MGAM2: variants seen among roughly 807,000 people sequenced by gnomAD.
MGAM2 encodes the protein maltase-glucoamylase 2 (putative).
Under a neutral mutation model 96.1 loss-of-function variants are expected in MGAM2, and 98 were observed. The ratio of observed to expected loss-of-function variants is 1.02; its 90% CI spans 0.87 to 1.21. The LOEUF (loss-of-function observed/expected upper bound fraction) is 1.21, where lower values mean the gene tolerates loss of function less well. Ranked by LOEUF, MGAM2 falls within the 50% of genes most tolerant of loss-of-function variation. The pLI, the probability that MGAM2 is intolerant of heterozygous loss-of-function variation, is 0.00. For missense variants in MGAM2, 2,055 were observed against 1,182.4 expected, an observed-to-expected ratio of 1.74 and a Z score of -10.82; for synonymous variants, 749 against 414.8, an observed-to-expected ratio of 1.81 and a Z score of -9.79.
rs1047429262 is a variant in MGAM2 at position 142,175,559 on chromosome 7, A to T, written c.3688-93A>T. On this transcript the variant is annotated intron_variant, in intron 31 of 47. Transcript: ENST00000477922. Reference sequence around the variant, plus strand: ...AAGAGGGGCCTGGAATGGGGCAGGCAGGCAGCAGGACCAGGGGCCTGGCAG... The same window carrying T: ...AAGAGGGGCCTGGAATGGGGCAGGCTGGCAGCAGGACCAGGGGCCTGGCAG... The T allele has an allele frequency of 3.1e-5, 20 of 639,462 alleles. No homozygotes were observed. The East Asian group carries it at 5.2e-4, about 17-fold the overall frequency. 39.6% of individuals were successfully genotyped at this position (639,462 alleles called of 1,614,324 possible). A position where few individuals can be genotyped will look rare whatever the true frequency, so the allele number is the denominator to read the frequency against.
At chr7:142,114,873 A>T (rs1817332927) in intron 1 of MGAM2, among the ~76,000 whole-genome samples, 1 of 152,114 alleles carries the variant, frequency 6.6e-6, no homozygotes, top group African/African-American at 2.4e-5. Context: ...ACTGCATGAG[A>T]ATAAGAGTGT....
intron 27 of MGAM2, 103 bp downstream of exon 27, chr7:142,170,332 T>C: frequency 3.7e-6 from 2 of 540,082 alleles, no homozygotes; most frequent in Non-Finnish European, 3.3e-6. Flanking sequence ...TCTATGGAAA[T>C]AGGTGTGCAT....
intron 27 of MGAM2, chr7:142,171,033 C>A (rs1796167848): frequency 1.8e-6 from 1 of 541,892 alleles, no homozygotes; most frequent in African/African-American, 1.9e-5. Context: ...TGGCCCTTGC[C>A]CACAAGGACC....
intron 14 of MGAM2, among the ~76,000 whole-genome samples, chr7:142,146,979 C>T (rs937421500): frequency 3.9e-5 from 6 of 152,096 alleles, no homozygotes; most frequent in Non-Finnish European, 7.4e-5. Flanking sequence ...CCACCTGCCT[C>T]GGCCTCCCAA....
chr7:142,212,523 G>C (rs548533550), intron 46 of MGAM2, among the ~76,000 whole-genome samples: 4 of 152,160 alleles, frequency 2.6e-5, no homozygotes, highest in Non-Finnish European at 5.9e-5. Flanking sequence ...CCCATCAAAT[G>C]GGAAGTAAAA....
intron 23 of MGAM2, among the ~76,000 whole-genome samples, chr7:142,162,887 T>C (rs1016448101): frequency 2.0e-5 from 3 of 151,822 alleles, no homozygotes; most frequent in African/African-American, 7.3e-5. Context: ...ATACAGAATA[T>C]TTCATTAGCA....
intron 12 of MGAM2, 113 bp downstream of exon 12, chr7:142,141,232 G>C (rs1314755897): frequency 1.7e-6 from 1 of 594,010 alleles, no homozygotes; most frequent in Non-Finnish European, 3.0e-6. Flanking sequence ...CATGGCTTTA[G>C]AGGTTTCTTT....
At chr7:142,162,227 GA>G (rs1266815937) in intron 23 of MGAM2, among the ~76,000 whole-genome samples, 6 of 150,010 alleles carry the variant, frequency 4.0e-5, no homozygotes, top group Admixed American at 2.7e-4. Context: ...TTTTTTCCTG[GA>G]AAAAAAAACA....
chr7:142,133,201 T>C (rs1006962015), intron 6 of MGAM2, among the ~76,000 whole-genome samples: 3 of 142,164 alleles, frequency 2.1e-5, no homozygotes, highest in Admixed American at 1.4e-4. Context: ...ATATATTAAA[T>C]ATAAATATAT....
At chr7:142,145,105 C>T (rs1013313011) in intron 14 of MGAM2, among the ~76,000 whole-genome samples, 160 bp downstream of exon 14, 5 of 152,128 alleles carry the variant, frequency 3.3e-5, no homozygotes, top group African/African-American at 1.2e-4. Flanking sequence ...AGTGTTGGGT[C>T]TCTGATTACC....
At chr7:142,196,964 C>CCTG in intron 40 of MGAM2, 148 bp downstream of exon 40, 2 of 600,370 alleles carry the variant, frequency 3.3e-6, no homozygotes, top group Admixed American at 3.0e-5. Flanking sequence ...GAGTTCAGAA[C>CCTG]TCTGGAATTA....
chr7:142,159,261 G>A (rs1795821842), intron 19 of MGAM2, 26 bp from the exon 20 acceptor site: 2 of 701,102 alleles, frequency 2.9e-6, no homozygotes, highest in Admixed American at 2.0e-5. Flanking sequence ...GTATGCTAAT[G>A]CTACTCATTA....
chr7:142,146,769 C>A (rs1414295496), intron 14 of MGAM2, among the ~76,000 whole-genome samples: 1 of 151,940 alleles, frequency 6.6e-6, no homozygotes, highest in Non-Finnish European at 1.5e-5. Flanking sequence ...GCTCTGTCAC[C>A]CAGTCTGGAG....
intron 36 of MGAM2, 131 bp from the exon 37 acceptor site, chr7:142,189,236 A>G: frequency 1.8e-6 from 1 of 552,652 alleles, no homozygotes; most frequent in Non-Finnish European, 3.2e-6. Flanking sequence ...TATAGACTAA[A>G]ACCTCATAAA....
At chr7:142,147,421 G>A (rs10216068) in intron 14 of MGAM2, 35 bp from the exon 15 acceptor site, 39,345 of 684,470 alleles carry the variant, frequency 0.057, 1,600 homozygotes, top group East Asian at 0.14. Flanking sequence ...GATGGTTAAT[G>A]AGGAAGTGCC....
rs867891460 is a variant in MGAM2 at position 142,138,647 on chromosome 7, C to T, written c.1066C>T (p.Arg356Cys). 3 of 702,782 alleles carry T rather than the reference C, an allele frequency of 4.3e-6. No individual in the cohort carries two copies. Among genetic ancestry groups the T allele is most frequent in the South Asian group, 1.5e-5 (1 of 67,558 alleles). 43.5% of individuals were successfully genotyped at this position (702,782 alleles called of 1,614,324 possible). The stretch of plus-strand genomic sequence containing the variant: ...ATTGAAAGAAGTTGTAAGCCGAAAT[C>T]GTTTAGCTGAGATACCATATGTAAG... Reference protein sequence around the residue: ...NKLKEVVSRNRLAEIPYDVQY... With the variant: ...NKLKEVVSRNCLAEIPYDVQY... Residue 356 changes from arginine to cysteine, a missense_variant, in exon 10 of 48, where the codon CGT becomes TGT. Transcript: ENST00000477922.
chr7:142,154,028 A>T lies in MGAM2; in HGVS notation c.1645A>T (p.Thr549Ser), dbSNP rs1414938851. Residue 549 changes from threonine (T) to serine (S), a missense_variant, in exon 16 of 48, where the codon ACC (threonine) becomes TCC (serine). Physicochemically the swap from Thr to Ser is moderately conservative, Grantham distance 58 (BLOSUM62 1). Transcript: ENST00000477922. ...MARTTNLALE[T>S]IFMNNRSFIL... is the part of the protein sequence containing the mutation. ...TGTATTCCTTTCCAGAGCCCTGGAG[A>T]CCATCTTCATGAATAATAGGAGCTT... The T allele has an allele frequency of 1.5e-6, 1 of 672,692 alleles. No individual in the cohort carries two copies. The highest frequency in any genetic ancestry group is 2.7e-6 in the Non-Finnish European group (1 of 363,650). The allele number at this position is 672,692 out of a possible 1,614,324, so 41.7% of individuals were successfully genotyped here.
intron 32 of MGAM2, among the ~76,000 whole-genome samples, chr7:142,178,493 C>G (rs1796443153): frequency 6.6e-6 from 1 of 152,122 alleles, no homozygotes; most frequent in Admixed American, 6.6e-5. Flanking sequence ...TGAAGTCTGA[C>G]ATTTAAGTCT....
At position 142,219,548 on chromosome 7, in the gene MGAM2, G is replaced by A. The variant is rs376684820; in HGVS notation, c.5359-322G>A. Among the ~76,000 whole-genome samples, 69 of 152,224 alleles carry A rather than the reference G, an allele frequency of 4.5e-4. 4 individuals are homozygous for A. In the South Asian group the frequency reaches 0.014, roughly 31 times the overall value. ...ACATGAAACTAACCTGCTGTCAAGA[G>A]GACTAAAACCCAATGGCAAAGCAAA... On this transcript the variant is annotated intron_variant, in intron 47 of 47. Transcript: ENST00000477922.
Sources: gnomAD v4.1 joint callset for allele counts (sites outside exome capture counted in the v4.1 genomes callset) on GRCh38, gnomAD v4.1.1 for gene constraint, MANE v1.5 for transcripts, NCBI Gene and HGNC (gene_info 2026-07-23, HGNC 2026-07-21) for gene names.